B4GALNT3: variants seen among roughly 807,000 people sequenced by gnomAD.
The protein encoded by B4GALNT3 is beta-1,4-N-acetylgalactosaminyltransferase 3.
Under a neutral mutation model 120.2 loss-of-function variants are expected in B4GALNT3, and 86 were observed. That is an observed-to-expected ratio of 0.72 (90% confidence interval 0.60 to 0.86). The LOEUF is 0.86. Ranked by LOEUF, B4GALNT3 falls within the 40% of genes least tolerant of loss-of-function variation. B4GALNT3 has a pLI of 0.00. For synonymous variants in B4GALNT3, 518 were observed against 510.4 expected (o/e 1.01, Z -0.20); for missense variants, 1,167 against 1,298.9 (o/e 0.90, Z 1.56).
intron 1 of B4GALNT3, among the ~76,000 whole-genome samples, chr12:514,829 G>A (rs1002708379): frequency 6.6e-6 from 1 of 152,016 alleles, no homozygotes; most frequent in East Asian, 2.0e-4. Context: ...AGGAGCTCGA[G>A]ACCAGCCTGG....
chr12:550,857 A>G lies in B4GALNT3; in HGVS notation c.998-65A>G. On this transcript the variant is annotated intron_variant, in intron 10 of 19. Coordinates refer to ENST00000266383, the MANE Select transcript of B4GALNT3 (RefSeq NM_173593.4). The surrounding 1 kb of genome is among the most constrained non-coding windows in gnomAD (Gnocchi z 4.1). ...ATACAGAAAGGGCCCTGCTCAGGGC[A>G]GAGGACTTCAGCCCCAGTTTCGTGC... 7.7e-7 allele frequency: 1 copy of G among 1,297,634 alleles called. No homozygotes were observed. Among genetic ancestry groups the G allele is most frequent in the Non-Finnish European group, 1.1e-6 (1 of 901,566 alleles). 80.4% of individuals were successfully genotyped at this position (1,297,634 alleles called of 1,614,324 possible).
chr12:472,364 T>C (rs1024877426), intron 1 of B4GALNT3, among the ~76,000 whole-genome samples: 88 of 152,360 alleles, frequency 5.8e-4, no homozygotes, highest in Middle Eastern at 3.4e-3. Flanking sequence ...CGCTGCAGTC[T>C]CAAACTCTTG....
rs544546354 is a variant in B4GALNT3, at chr12:467,934, C to G, written c.169+7389C>G. On this transcript the variant is annotated intron_variant, in intron 1 of 19. Transcript: ENST00000266383. The stretch of plus-strand genomic sequence containing the variant: ...GCATAATCACTCAGATTTCTCTCGT[C>G]GTGTTGGTTACTAGGAAGCTTTAGG... Among the ~76,000 whole-genome samples, 30 of 152,280 alleles carry G rather than the reference C, an allele frequency of 2.0e-4. No homozygotes were observed. The South Asian group carries it at 4.4e-3, about 22-fold the overall frequency.
chr12:522,530 C>T (rs574826501), intron 1 of B4GALNT3, among the ~76,000 whole-genome samples: 3 of 152,156 alleles, frequency 2.0e-5, no homozygotes, highest in South Asian at 2.1e-4. Flanking sequence ...AGTGGCAGTT[C>T]GTGTTTAATG....
chr12:493,360 AATAAGAT>A lies in B4GALNT3; in HGVS notation c.169+32818_169+32824del, dbSNP rs1196954588. Among the ~76,000 whole-genome samples the A allele has an allele frequency of 5.3e-5, 8 of 152,368 alleles. No individual in the cohort carries two copies. The East Asian group carries it at 9.6e-4, about 18-fold the overall frequency. ...TTAGGGAAATGAAAATTAAAACAACAATAAGATATCACTACACACCTATTAGAATGGC... is the reference window on the plus strand; with the variant it reads ...TTAGGGAAATGAAAATTAAAACAACAATCACTACACACCTATTAGAATGGC... On this transcript the variant is annotated intron_variant, in intron 1 of 19. Coordinates refer to ENST00000266383, the MANE Select transcript of B4GALNT3 (RefSeq NM_173593.4).
rs1947053744 is a variant in B4GALNT3, at chr12:549,694, C to T, written c.854-75C>T. On this transcript the variant is annotated intron_variant, in intron 9 of 19. Coordinates refer to ENST00000266383, the MANE Select transcript of B4GALNT3 (RefSeq NM_173593.4). ...TCAGGAGCCCCTTCTGCGTCTCTTC[C>T]CTCCCCTTCAAGGGCAGTGGGCTGC... 5.1e-6 allele frequency: 8 copies of T among 1,577,812 alleles called. No homozygotes were observed. In the Admixed American group the frequency reaches 1.3e-4, roughly 26 times the overall value.
At chr12:516,855 G>A (rs1376101172) in intron 1 of B4GALNT3, among the ~76,000 whole-genome samples, 3 of 152,248 alleles carry the variant, frequency 2.0e-5, no homozygotes, top group South Asian at 2.1e-4. Flanking sequence ...TGGTGGAGAC[G>A]GAGGAGGGAG....
At chr12:558,925 CTG>C (rs745317766) in intron 18 of B4GALNT3, among the ~76,000 whole-genome samples, 9 of 151,760 alleles carry the variant, frequency 5.9e-5, no homozygotes, top group Non-Finnish European at 8.8e-5. Context: ...CTAAGCACTG[CTG>C]TGTGCCAGAT....
intron 1 of B4GALNT3, among the ~76,000 whole-genome samples, chr12:461,610 G>C (rs1946023304): frequency 6.6e-6 from 1 of 152,196 alleles, no homozygotes; most frequent in Non-Finnish European, 1.5e-5. Context: ...TCCCGCTTTG[G>C]GGAAACTCGG....
intron 1 of B4GALNT3, among the ~76,000 whole-genome samples, chr12:526,352 A>T (rs937091352): frequency 3.9e-5 from 6 of 152,204 alleles, no homozygotes; most frequent in Admixed American, 3.9e-4. Flanking sequence ...AGGGAGGAAA[A>T]GGATTGCCCC....
intron 1 of B4GALNT3, among the ~76,000 whole-genome samples, chr12:502,919 A>AT (rs1946458752): frequency 1.3e-5 from 2 of 151,870 alleles, no homozygotes; most frequent in Non-Finnish European, 2.9e-5. Flanking sequence ...ACCCTGGCTA[A>AT]TTTTTTTATT....
intron 3 of B4GALNT3, among the ~76,000 whole-genome samples, chr12:538,070 G>A (rs932921969): frequency 1.2e-4 from 19 of 152,156 alleles, no homozygotes; most frequent in South Asian, 4.1e-4. Context: ...AGATCATTTG[G>A]TCTGGTGATC....
At chr12:496,733 A>G (rs568111160) in intron 1 of B4GALNT3, among the ~76,000 whole-genome samples, 3 of 151,832 alleles carry the variant, frequency 2.0e-5, no homozygotes, top group African/African-American at 7.2e-5. Context: ...CGCGTTAAGC[A>G]GTCACTCCTT....
chr12:515,036 G>C (rs1414428140), intron 1 of B4GALNT3, among the ~76,000 whole-genome samples: 1 of 152,104 alleles, frequency 6.6e-6, no homozygotes, highest in Admixed American at 6.5e-5. Context: ...AAGAAAGAAA[G>C]AACACAAATT....
At chr12:532,949 G>T (rs577009637) in intron 1 of B4GALNT3, among the ~76,000 whole-genome samples, 24 of 152,190 alleles carry the variant, frequency 1.6e-4, no homozygotes, top group Non-Finnish European at 2.5e-4. Flanking sequence ...CACCTGAGAC[G>T]CACTGTAACT....
At chr12:547,440 G>A (rs774411453) in intron 7 of B4GALNT3, among the ~76,000 whole-genome samples, 12 of 152,104 alleles carry the variant, frequency 7.9e-5, no homozygotes, top group Non-Finnish European at 1.5e-4. Flanking sequence ...TGCAACAGAA[G>A]GCCGTGTGCA....
chr12:536,593 C>T (rs186947073), intron 3 of B4GALNT3, among the ~76,000 whole-genome samples: 34 of 152,322 alleles, frequency 2.2e-4, no homozygotes, highest in African/African-American at 7.7e-4. Flanking sequence ...AGCGATCCTC[C>T]AGCTTCAGCC....
chr12:548,416 C>G lies in B4GALNT3; in HGVS notation c.853+119C>G, dbSNP rs1021181126. The G allele has an allele frequency of 2.2e-6, 2 of 926,646 alleles. No homozygotes were observed. The highest frequency in any genetic ancestry group is 2.9e-5 in the South Asian group (2 of 69,792). 57.4% of individuals were successfully genotyped at this position (926,646 alleles called of 1,614,324 possible). A position where few individuals can be genotyped will look rare whatever the true frequency, so the allele number is the denominator to read the frequency against. ...AAGGAAGCTCGAGATGCTTGGGACA[C>G]GGGTATGAAGGGGTCCAGAACAAGA... On this transcript the variant is annotated intron_variant, in intron 9 of 19. Transcript: ENST00000266383. The surrounding 1 kb of genome is among the most constrained non-coding windows in gnomAD (Gnocchi z 4.9).
At chr12:506,761 C>T (rs1050206417) in intron 1 of B4GALNT3, among the ~76,000 whole-genome samples, 22 of 152,266 alleles carry the variant, frequency 1.4e-4, no homozygotes, top group South Asian at 6.2e-4. Context: ...CTCAGCCTCC[C>T]GAGTAGCTGG....
Sources: allele counts gnomAD v4.1 joint callset (sites outside exome capture counted in the v4.1 genomes callset), GRCh38; gene constraint gnomAD v4.1.1; non-coding constraint Gnocchi (gnomAD v3.1); transcripts MANE v1.5; gene names NCBI Gene and HGNC (gene_info 2026-07-23, HGNC 2026-07-21).